Variants in GLIS3 observed in about 807,000 individuals in gnomAD.
The protein encoded by GLIS3 is GLIS family zinc finger 3.
A neutral mutation model predicts 78.6 loss-of-function variants in GLIS3; 53 were observed. That is an observed-to-expected ratio of 0.67 (90% CI 0.54 to 0.85). GLIS3 has a LOEUF of 0.85. Among genes scored for constraint, GLIS3 ranks in the 40% least tolerant of loss-of-function variants. The pLI is 0.00. For missense variants in GLIS3, 1,703 were observed against 1,231.1 expected, an observed-to-expected ratio of 1.38 and a Z score of -5.74; for synonymous variants, 684 against 509.9, an observed-to-expected ratio of 1.34 and a Z score of -4.60.
chr9:4,472,886 A>T, the GLIS3 span, among the ~76,000 whole-genome samples: 1 of 152,212 alleles, frequency 6.6e-6, no homozygotes, highest in Non-Finnish European at 1.5e-5. Flanking sequence ...TAATTATTGT[A>T]AAAATCAACT....
intron 2 of GLIS3, among the ~76,000 whole-genome samples, chr9:4,334,073 G>A (rs546849575): frequency 2.6e-5 from 4 of 152,188 alleles, no homozygotes; most frequent in Admixed American, 6.5e-5. Flanking sequence ...TAATTCAGAG[G>A]GCTTGAATTT....
At chr9:3,948,566 A>AC (rs973873539) in intron 4 of GLIS3, among the ~76,000 whole-genome samples, 1 of 151,584 alleles carries the variant, frequency 6.6e-6, no homozygotes, top group African/African-American at 2.4e-5. Flanking sequence ...TACACCTTCC[A>AC]CCCCCTCTCT....
In GLIS3 at chr9:4,145,071, C is replaced by T. The variant is rs530767506; in HGVS notation, c.389-19130G>A. The T allele has an allele frequency of 4.7e-4, 72 of 152,308 alleles. 1 individual carries two copies. The highest frequency in any genetic ancestry group is 1.6e-3 in the African/African-American group (67 of 41,564). The allele number at this position is 152,308 out of a possible 1,614,324, so 9.4% of individuals were successfully genotyped here. A position where few individuals can be genotyped will look rare whatever the true frequency, so the allele number is the denominator to read the frequency against. On this transcript the variant is annotated intron_variant, in intron 2 of 10. Transcript: ENST00000381971. ...AAAGCAAGGCTTAACTGACCATAAC[C>T]TTCATAAAGGTAAGGCAGATGCTCC... is the stretch of plus-strand genomic sequence containing the variant.
the GLIS3 span, among the ~76,000 whole-genome samples, chr9:4,392,574 A>G: frequency 6.6e-6 from 1 of 152,124 alleles, no homozygotes. Flanking sequence ...AGATTCTAAC[A>G]GGTGACAGTT....
chr9:4,043,267 A>AT (rs147678363), intron 4 of GLIS3, among the ~76,000 whole-genome samples: 4,546 of 151,638 alleles, frequency 0.03, 185 homozygotes, highest in African/African-American at 0.094. Flanking sequence ...GTCAGAATTA[A>AT]TTTTTTTTTC....
intron 2 of GLIS3, among the ~76,000 whole-genome samples, chr9:4,212,288 C>A (rs1376961477): frequency 6.6e-6 from 1 of 152,214 alleles, no homozygotes; most frequent in Non-Finnish European, 1.5e-5. Flanking sequence ...TCTAATGATC[C>A]ACAGTGATGT....
At chr9:4,297,241 GA>G (rs922770993) in intron 1 of GLIS3, among the ~76,000 whole-genome samples, 23 of 152,280 alleles carry the variant, frequency 1.5e-4, no homozygotes, top group Admixed American at 1.4e-3. Flanking sequence ...TTTCAGAGGG[GA>G]CAGAACCAGA....
intron 7 of GLIS3, among the ~76,000 whole-genome samples, chr9:3,881,246 C>A (rs1044088613): frequency 6.6e-6 from 1 of 152,082 alleles, no homozygotes; most frequent in Non-Finnish European, 1.5e-5. Context: ...TAATAAAGGT[C>A]ATAGAGATAC....
intron 4 of GLIS3, chr9:4,054,449 G>C: frequency 1.0e-6 from 1 of 985,388 alleles, no homozygotes; most frequent in Non-Finnish European, 1.2e-6. Context: ...AGTCACAGGA[G>C]GATGTGCTCT....
the GLIS3 span, among the ~76,000 whole-genome samples, chr9:4,481,942 T>C: frequency 6.6e-6 from 1 of 152,240 alleles, no homozygotes; most frequent in South Asian, 2.1e-4. Context: ...GTATAAATTT[T>C]GCAATTGTAA....
intron 4 of GLIS3, among the ~76,000 whole-genome samples, chr9:4,108,047 A>C (rs575889789): frequency 6.6e-6 from 1 of 152,298 alleles, no homozygotes; most frequent in East Asian, 1.9e-4. Context: ...ATAATTAATG[A>C]TCTTTGAATA....
intron 9 of GLIS3, among the ~76,000 whole-genome samples, chr9:3,842,657 G>A (rs1405497120): frequency 6.6e-6 from 1 of 152,168 alleles, no homozygotes; most frequent in Non-Finnish European, 1.5e-5. Context: ...GCTCCACCTT[G>A]GCATGTGTGT....
At chr9:4,059,836 G>GAC (rs1563998440) in intron 4 of GLIS3, among the ~76,000 whole-genome samples, 1 of 141,730 alleles carries the variant, frequency 7.1e-6, no homozygotes, top group African/African-American at 2.9e-5. Context: ...GTGTGAGAGA[G>GAC]AGAGAGAGAG....
intron 4 of GLIS3, among the ~76,000 whole-genome samples, chr9:4,093,403 G>T (rs1054467708): frequency 2.6e-5 from 4 of 152,206 alleles, no homozygotes; most frequent in Admixed American, 2.6e-4. Context: ...CAAAGCATGT[G>T]GAAGACAGAG....
At chr9:4,478,234 A>T in the GLIS3 span, among the ~76,000 whole-genome samples, 12 of 152,346 alleles carry the variant, frequency 7.9e-5, no homozygotes, top group East Asian at 2.1e-3. Flanking sequence ...TGAGCGTGGG[A>T]AAGGATCATG....
chr9:4,251,471 C>G (rs535152243), intron 2 of GLIS3, among the ~76,000 whole-genome samples: 1 of 142,800 alleles, frequency 7.0e-6, no homozygotes, highest in East Asian at 2.0e-4. Flanking sequence ...GGTAAATATT[C>G]CTCCATCCCT....
At chr9:4,184,607 G>A (rs1817607203) in intron 2 of GLIS3, among the ~76,000 whole-genome samples, 1 of 152,196 alleles carries the variant, frequency 6.6e-6, no homozygotes, top group Non-Finnish European at 1.5e-5. Context: ...AGAGAGAGGA[G>A]AAAAGAGCAC....
intron 2 of GLIS3, among the ~76,000 whole-genome samples, chr9:4,281,544 T>C (rs1268497409): frequency 2.0e-5 from 3 of 152,246 alleles, no homozygotes; most frequent in Non-Finnish European, 2.9e-5. Flanking sequence ...ACGTGTCCTT[T>C]TGTGACTGGT....
chr9:4,051,941 C>T (rs557545952), intron 4 of GLIS3, among the ~76,000 whole-genome samples: 2 of 152,276 alleles, frequency 1.3e-5, no homozygotes, highest in South Asian at 2.1e-4. Flanking sequence ...ATGTATCATG[C>T]GTATATACAG....
Sources: allele counts gnomAD v4.1 joint callset (sites outside exome capture counted in the v4.1 genomes callset), GRCh38; gene constraint gnomAD v4.1.1; transcripts MANE v1.5; gene names NCBI Gene and HGNC (gene_info 2026-07-23, HGNC 2026-07-21).